Variants in PKHD1L1 observed in about 807,000 individuals in gnomAD.
PKHD1L1 encodes the protein PKHD1 like 1, also known as fibrocystin-L.
PKHD1L1 carries 434 observed loss-of-function variants against 462.9 expected under a neutral mutation model. The ratio of observed to expected loss-of-function variants is 0.94; its 90% confidence interval spans 0.87 to 1.02. The LOEUF is 1.02. Ranked by LOEUF, PKHD1L1 falls within the 50% of genes least tolerant of loss-of-function variation. The probability of loss-of-function intolerance (pLI) is 0.00; values close to 1 mark genes in which losing one functional copy is unlikely to be tolerated. For synonymous variants in PKHD1L1, 1,781 were observed against 1,750.0 expected (o/e 1.02, Z -0.44); for missense variants, 5,202 against 5,096.1 (o/e 1.02, Z -0.63).
At chr8:109,419,022 T>G (rs1814323628) in intron 21 of PKHD1L1, 75 bp from the exon 22 acceptor site, 1 of 1,293,258 alleles carries the variant, frequency 7.7e-7, no homozygotes, top group Non-Finnish European at 1.1e-6. Flanking sequence ...TCTATAAAAT[T>G]TTAATGCTTT....
At chr8:109,382,354 C>A in intron 3 of PKHD1L1, 109 bp from the exon 4 acceptor site, 2 of 810,852 alleles carry the variant, frequency 2.5e-6, no homozygotes, top group South Asian at 2.5e-5. Flanking sequence ...CGACGTTGGA[C>A]ACTTTCTGTC....
chr8:109,397,648 C>A (rs560482070), intron 11 of PKHD1L1, among the ~76,000 whole-genome samples: 2 of 152,276 alleles, frequency 1.3e-5, no homozygotes, highest in East Asian at 3.9e-4. Flanking sequence ...TATGATCATG[C>A]CACTGCACTC....
chr8:109,489,328 G>A (rs1818710665), intron 59 of PKHD1L1, among the ~76,000 whole-genome samples: 1 of 151,626 alleles, frequency 6.6e-6, no homozygotes, highest in African/African-American at 2.4e-5. Flanking sequence ...GTGCTTTATG[G>A]GAATTAAACC....
intron 67 of PKHD1L1, among the ~76,000 whole-genome samples, chr8:109,501,258 A>G (rs1438266205): frequency 6.6e-6 from 1 of 152,104 alleles, no homozygotes; most frequent in East Asian, 1.9e-4. Context: ...TCCAGATGCT[A>G]TATTGTATGA....
chr8:109,465,309 T>A (rs1367494801), intron 49 of PKHD1L1, 64 bp downstream of exon 49: 5 of 1,518,972 alleles, frequency 3.3e-6, no homozygotes, highest in Non-Finnish European at 4.4e-6. Flanking sequence ...AGCACAGAAT[T>A]GAATTGTTAA....
chr8:109,405,966 T>C (rs1442165063), intron 16 of PKHD1L1, among the ~76,000 whole-genome samples: 4 of 152,214 alleles, frequency 2.6e-5, no homozygotes, highest in African/African-American at 9.6e-5. Flanking sequence ...TATCAGCCAA[T>C]AAACAACATT....
At chr8:109,450,320 A>G (rs780142080) in intron 40 of PKHD1L1, among the ~76,000 whole-genome samples, 2 of 152,240 alleles carry the variant, frequency 1.3e-5, no homozygotes, top group Admixed American at 6.5e-5. Flanking sequence ...GTTTTATGTG[A>G]ACACATTTTT....
At chr8:109,484,249 G>A (rs1359806644) in intron 57 of PKHD1L1, among the ~76,000 whole-genome samples, 1 of 151,774 alleles carries the variant, frequency 6.6e-6, no homozygotes, top group Non-Finnish European at 1.5e-5. Context: ...AAGTGATTTT[G>A]ATATCCCTAT....
intron 71 of PKHD1L1, 74 bp downstream of exon 71, chr8:109,511,008 T>A: frequency 2.0e-6 from 3 of 1,480,182 alleles, no homozygotes; most frequent in Non-Finnish European, 2.8e-6. Context: ...GGCTTGTACC[T>A]CCTCCCCTGT....
intron 67 of PKHD1L1, 30 bp downstream of exon 67, chr8:109,498,801 CAATTA>C: frequency 6.6e-7 from 1 of 1,504,952 alleles, no homozygotes; most frequent in Non-Finnish European, 9.1e-7. Flanking sequence ...CAAATCTTCT[CAATTA>C]ATTTCTGTAA....
intron 9 of PKHD1L1, among the ~76,000 whole-genome samples, chr8:109,392,611 C>T (rs1812766277): frequency 6.6e-6 from 1 of 151,586 alleles, no homozygotes; most frequent in South Asian, 2.1e-4. Flanking sequence ...AGAAATATGA[C>T]ATTTATGATT....
chr8:109,532,960 T>C lies in PKHD1L1; in HGVS notation c.*2870T>C, dbSNP rs1261790888. ...TACATGGACCCTTTCCTTACAGCAA[T>C]CCTATGAGGATAACCTTATTCCCTT... is the stretch of plus-strand genomic sequence containing the variant. On this transcript the variant is annotated 3_prime_UTR_variant, in exon 78 of 78. Coordinates refer to ENST00000378402, the MANE Select transcript of PKHD1L1 (RefSeq NM_177531.6). Among the ~76,000 whole-genome samples, 2 of 152,208 alleles carry C rather than the reference T, an allele frequency of 1.3e-5. No homozygotes were observed. Among genetic ancestry groups the C allele is most frequent in the Non-Finnish European group, 1.5e-5 (1 of 68,026 alleles).
At position 109,443,115 on chromosome 8, in the gene PKHD1L1, T is replaced by C. The variant is rs995090945; in HGVS notation, c.4563T>C (p.Tyr1521=). The change falls in exon 36 of 78, where the codon TAT becomes TAC. Residue 1521 remains tyrosine (Y), a splice_region_variant and synonymous_variant. Transcript: ENST00000378402. ...FVGRSEATYA[Y]GGPENLHLGS... ...GTCGCTCTGAAGCCACATATGCTTA[T>C]GGTAAGATGGTTAAAGATGGAAACT... 1 of 1,612,808 alleles carries C rather than the reference T, an allele frequency of 6.2e-7. No homozygotes were observed. Among genetic ancestry groups the C allele is most frequent in the South Asian group, 1.1e-5 (1 of 91,006 alleles).
intron 58 of PKHD1L1, among the ~76,000 whole-genome samples, chr8:109,486,253 G>C (rs934417565): frequency 3.9e-5 from 6 of 151,946 alleles, no homozygotes; most frequent in African/African-American, 9.6e-5. Context: ...TCTCCTCCTA[G>C]CTTTGGGCAA....
intron 27 of PKHD1L1, among the ~76,000 whole-genome samples, chr8:109,431,114 C>T (rs1417292077): frequency 4.6e-5 from 7 of 151,936 alleles, no homozygotes; most frequent in African/African-American, 4.8e-5. Flanking sequence ...ACTACAGGTG[C>T]ATACCACCAC....
At chr8:109,480,592 C>A (rs1467137975) in intron 55 of PKHD1L1, 3 of 455,448 alleles carry the variant, frequency 6.6e-6, no homozygotes, top group South Asian at 4.7e-5. Flanking sequence ...TTATTCGGAA[C>A]AATCCCCACA....
Position 109,515,243 on chromosome 8 carries a change from CA to C in PKHD1L1, c.11632del (p.Thr3878LeufsTer60). On this transcript the variant is annotated frameshift_variant, in exon 72 of 78. Transcript: ENST00000378402. LOFTEE classifies it high-confidence loss of function. Reference sequence around the variant, plus strand: ...TATGTGAACAACTTATTGGTCTGTCCAAAAACTACAATATGGAATGCCCAGC... The same window carrying C: ...TATGTGAACAACTTATTGGTCTGTCCAAAACTACAATATGGAATGCCCAGC... ...DVYVNNLLVC[P>X]KTTIWNAQQK... 2 of 1,602,786 alleles carry C rather than the reference CA, an allele frequency of 1.2e-6. No homozygotes were observed. Among genetic ancestry groups the C allele is most frequent in the Non-Finnish European group, 8.5e-7 (1 of 1,172,942 alleles).
chr8:109,519,038 A>G (rs1007363942), intron 73 of PKHD1L1, among the ~76,000 whole-genome samples: 2 of 152,116 alleles, frequency 1.3e-5, no homozygotes, highest in East Asian at 3.9e-4. Flanking sequence ...TGTTTTCTTA[A>G]GAAAAAGAGT....
intron 50 of PKHD1L1, among the ~76,000 whole-genome samples, chr8:109,473,019 T>C (rs1209403208): frequency 2.6e-5 from 4 of 152,156 alleles, no homozygotes; most frequent in African/African-American, 9.7e-5. Context: ...AGACACTAAC[T>C]CTTAATGATC....
Sources: gnomAD v4.1 joint callset for allele counts (sites outside exome capture counted in the v4.1 genomes callset) on GRCh38, gnomAD v4.1.1 for gene constraint, MANE v1.5 for transcripts, NCBI Gene and HGNC (gene_info 2026-07-23, HGNC 2026-07-21) for gene names.